Variants in EPHB1 observed in about 807,000 individuals in gnomAD.
EPHB1 encodes the protein EPH receptor B1, also known as ephrin type-B receptor 1.
In EPHB1, 30 loss-of-function variants were observed where a neutral mutation model predicts 94.4. The observed-to-expected ratio is 0.32, with a 90% CI of 0.24 to 0.43. The LOEUF (loss-of-function observed/expected upper bound fraction) is 0.43, where lower values mean the gene tolerates loss of function less well. Ranked by LOEUF, EPHB1 falls within the 20% of genes least tolerant of loss-of-function variation. EPHB1 has a pLI of 1.00. For missense variants in EPHB1, 1,055 were observed against 1,308.3 expected (o/e 0.81, Z 2.99); for synonymous variants, 522 against 489.1 (o/e 1.07, Z -0.89).
chr3:134,965,897 G>T (rs553062793), intron 3 of EPHB1, among the ~76,000 whole-genome samples: 1 of 152,156 alleles, frequency 6.6e-6, no homozygotes, highest in Non-Finnish European at 1.5e-5. Flanking sequence ...CTGCATCTGC[G>T]CATCCCAGGG....
In EPHB1 at chr3:134,951,932, G is replaced by T; in HGVS notation, c.685G>T (p.Ala229Ser). The change falls in exon 3 of 16, where the codon GCA (alanine) becomes TCA (serine). Residue 229 changes from alanine (A) to serine (S), a missense_variant. Coordinates refer to ENST00000398015, the MANE Select transcript of EPHB1 (RefSeq NM_004441.5). This position sits in a 1 kb window ranked among gnomAD's most constrained non-coding sequence, Gnocchi z 4.5. The part of the protein sequence containing the change: ...VIARGTCIPN[A>S]EEVDVPIKLY... ...TGCTCGGGGCACATGCATCCCCAAC[G>T]CAGAGGAAGTGGACGTGCCCATCAA... 6.2e-7 allele frequency: 1 copy of T among 1,614,032 alleles called. No homozygotes were observed. Among genetic ancestry groups the T allele is most frequent in the Non-Finnish European group, 8.5e-7 (1 of 1,179,898 alleles).
At chr3:134,918,147 G>A (rs554511615) in intron 1 of EPHB1, among the ~76,000 whole-genome samples, 1 of 152,352 alleles carries the variant, frequency 6.6e-6, no homozygotes, top group South Asian at 2.1e-4. Context: ...TATATAAAGT[G>A]ATAACGAAAA....
chr3:134,951,059 A>G lies in EPHB1; in HGVS notation c.124-312A>G, dbSNP rs1354055009. Among the ~76,000 whole-genome samples, 1 of 152,214 alleles carries G rather than the reference A, an allele frequency of 6.6e-6. No homozygotes were observed. Among genetic ancestry groups the G allele is most frequent in the Non-Finnish European group, 1.5e-5 (1 of 68,038 alleles). On this transcript the variant is annotated intron_variant, in intron 2 of 15. Coordinates refer to ENST00000398015, the MANE Select transcript of EPHB1 (RefSeq NM_004441.5). The surrounding 1 kb of genome is among the most constrained non-coding windows in gnomAD (Gnocchi z 4.5). Reference sequence around the variant, plus strand: ...AAAGTCCCTGCCATCACATGGGCTGAAAGCTGCATGTTGTCCCCATGGATG... The same window carrying G: ...AAAGTCCCTGCCATCACATGGGCTGGAAGCTGCATGTTGTCCCCATGGATG...
intron 7 of EPHB1, among the ~76,000 whole-genome samples, chr3:135,164,387 T>A (rs1941592711): frequency 6.6e-6 from 1 of 152,204 alleles, no homozygotes; most frequent in South Asian, 2.1e-4. Flanking sequence ...GACTGTTTGT[T>A]AAATATGCAG....
intron 2 of EPHB1, among the ~76,000 whole-genome samples, chr3:134,930,691 C>T (rs2038888899): frequency 6.6e-6 from 1 of 152,210 alleles, no homozygotes; most frequent in South Asian, 2.1e-4. Context: ...AGGTCTGCTC[C>T]AGTTCCTAGA....
intron 3 of EPHB1, among the ~76,000 whole-genome samples, chr3:134,987,377 G>A (rs1934637161): frequency 6.6e-6 from 1 of 152,190 alleles, no homozygotes; most frequent in Middle Eastern, 3.4e-3. Flanking sequence ...AGATAATTAA[G>A]GTTAAATGAG....
intron 3 of EPHB1, among the ~76,000 whole-genome samples, chr3:135,101,257 G>A (rs377700528): frequency 9.9e-5 from 15 of 152,272 alleles, no homozygotes; most frequent in African/African-American, 1.4e-4. Context: ...CCTAATTTCC[G>A]TTCCTACTTC....
rs1033851501 is a variant in EPHB1, at chr3:135,166,855, T to C, written c.1695-87T>C. ...CTGGGAGATGCCCCGGGTGAGCCCC[T>C]ATCTGGCCTGGGGCCTAGATGGAGG... is the stretch of plus-strand genomic sequence containing the variant. On this transcript the variant is annotated intron_variant, in intron 8 of 15. Transcript: ENST00000398015. 19 of 1,420,820 alleles carry C rather than the reference T, an allele frequency of 1.3e-5. No individual in the cohort carries two copies. The African/African-American group carries it at 2.5e-4, about 19-fold the overall frequency. 88.0% of individuals were successfully genotyped at this position (1,420,820 alleles called of 1,614,324 possible). A position where few individuals can be genotyped will look rare whatever the true frequency, so the allele number is the denominator to read the frequency against.
chr3:134,850,223 A>C (rs922096843), intron 1 of EPHB1, among the ~76,000 whole-genome samples: 2 of 152,320 alleles, frequency 1.3e-5, no homozygotes, highest in Admixed American at 6.5e-5. Context: ...CCTTGATCAT[A>C]AAATTGCCAA....
intron 1 of EPHB1, among the ~76,000 whole-genome samples, chr3:134,838,319 G>A (rs2036714517): frequency 6.6e-6 from 1 of 152,104 alleles, no homozygotes; most frequent in African/African-American, 2.4e-5. Context: ...GAACACTGAG[G>A]CACAGGAAAA....
At chr3:134,919,887 C>G (rs1418788964) in intron 1 of EPHB1, among the ~76,000 whole-genome samples, 1 of 151,720 alleles carries the variant, frequency 6.6e-6, no homozygotes, top group Non-Finnish European at 1.5e-5. Flanking sequence ...TGTGTGTGTG[C>G]TCATACACAA....
chr3:135,058,640 C>T (rs1937409754), intron 3 of EPHB1, among the ~76,000 whole-genome samples: 2 of 152,230 alleles, frequency 1.3e-5, no homozygotes, highest in Non-Finnish European at 1.5e-5. Flanking sequence ...AAAAACACTT[C>T]ACTTGCTAAC....
chr3:135,032,893 G>A (rs1936525686), intron 3 of EPHB1, among the ~76,000 whole-genome samples: 3 of 152,186 alleles, frequency 2.0e-5, no homozygotes, highest in Non-Finnish European at 4.4e-5. Context: ...CAAAGTCAGT[G>A]TCTACTCCTC....
At chr3:135,066,938 G>A (rs745643390) in intron 3 of EPHB1, among the ~76,000 whole-genome samples, 25 of 152,144 alleles carry the variant, frequency 1.6e-4, no homozygotes, top group Non-Finnish European at 3.2e-4. Context: ...TGAGAGCCAG[G>A]CTGCAGTGAT....
intron 5 of EPHB1, among the ~76,000 whole-genome samples, chr3:135,146,373 G>A (rs1475060954): frequency 6.6e-6 from 1 of 152,230 alleles, no homozygotes; most frequent in Admixed American, 6.5e-5. Context: ...AGAAGTTAGA[G>A]GTGGACAAGA....
At chr3:134,901,855 A>G (rs2038210483) in intron 1 of EPHB1, among the ~76,000 whole-genome samples, 1 of 152,232 alleles carries the variant, frequency 6.6e-6, no homozygotes, top group African/African-American at 2.4e-5. Context: ...TGTCAAGTGA[A>G]CGCAGTACCT....
chr3:135,176,422 C>T (rs929478613), intron 9 of EPHB1, among the ~76,000 whole-genome samples: 8 of 152,286 alleles, frequency 5.3e-5, no homozygotes, highest in East Asian at 3.9e-4. Flanking sequence ...TCTAAATTGA[C>T]GTTGCATCAC....
intron 12 of EPHB1, among the ~76,000 whole-genome samples, chr3:135,202,963 A>G (rs1258398512): frequency 6.6e-6 from 1 of 152,258 alleles, no homozygotes; most frequent in Non-Finnish European, 1.5e-5. Context: ...AAGACTTGGA[A>G]CCAACCCAAA....
chr3:135,080,496 C>G (rs1466509875), intron 3 of EPHB1, among the ~76,000 whole-genome samples: 1 of 152,040 alleles, frequency 6.6e-6, no homozygotes, highest in Admixed American at 6.6e-5. Flanking sequence ...CCTGGGGACA[C>G]TTGGGGGTGG....
Sources: gnomAD v4.1 joint callset for allele counts (sites outside exome capture counted in the v4.1 genomes callset) on GRCh38, gnomAD v4.1.1 for gene constraint, Gnocchi (gnomAD v3.1) non-coding constraint, MANE v1.5 for transcripts, NCBI Gene and HGNC (gene_info 2026-07-23, HGNC 2026-07-21) for gene names.